GRB10: variants seen among roughly 807,000 people sequenced by gnomAD.
GRB10 encodes the protein growth factor receptor bound protein 10.
Under a neutral mutation model 80.9 loss-of-function variants are expected in GRB10, and 20 were observed. The ratio of observed to expected loss-of-function variants is 0.25; its 90% CI spans 0.17 to 0.36. GRB10 has a LOEUF of 0.36. GRB10 is among the 10% of genes least tolerant of loss of function. The probability of loss-of-function intolerance (pLI) is 1.00; values close to 1 mark genes in which losing one functional copy is unlikely to be tolerated. For missense variants in GRB10, 548 were observed against 747.7 expected (o/e 0.73, Z 3.12); for synonymous variants, 291 against 291.5 (o/e 1.00, Z 0.02).
intron 7 of GRB10, among the ~76,000 whole-genome samples, chr7:50,627,877 G>A (rs997410118): frequency 6.6e-6 from 1 of 152,220 alleles, no homozygotes; most frequent in Non-Finnish European, 1.5e-5. Context: ...GCTGTGTGGA[G>A]CCTGCGTGTG....
At chr7:50,628,211 C>A (rs2053329267) in intron 7 of GRB10, among the ~76,000 whole-genome samples, 1 of 152,218 alleles carries the variant, frequency 6.6e-6, no homozygotes, top group Non-Finnish European at 1.5e-5. Flanking sequence ...CATCTGCCAA[C>A]CTCCAAATAA....
intron 3 of GRB10, among the ~76,000 whole-genome samples, chr7:50,736,230 G>A (rs564718624): frequency 1.0e-3 from 154 of 152,286 alleles, no homozygotes; most frequent in African/African-American, 3.6e-3. Flanking sequence ...AGGTTGCAGT[G>A]AGCCGAGATT....
At chr7:50,633,779 A>G (rs2054449372) in intron 7 of GRB10, among the ~76,000 whole-genome samples, 1 of 152,182 alleles carries the variant, frequency 6.6e-6, no homozygotes, top group South Asian at 2.1e-4. Flanking sequence ...GAAAGCTTCA[A>G]CAATAGAGTA....
intron 7 of GRB10, among the ~76,000 whole-genome samples, chr7:50,664,867 T>C (rs754838582): frequency 5.3e-5 from 8 of 152,234 alleles, no homozygotes; most frequent in Non-Finnish European, 1.2e-4. Context: ...ACCCTGTTGA[T>C]TTTTACCACA....
chr7:50,616,152 C>A, intron 11 of GRB10, 58 bp downstream of exon 11: 3 of 1,608,082 alleles, frequency 1.9e-6, no homozygotes, highest in Non-Finnish European at 2.6e-6. Flanking sequence ...ACTCTGAGGA[C>A]CTGGGGGGAG....
chr7:50,658,297 T>G (rs923734186), intron 7 of GRB10, among the ~76,000 whole-genome samples: 4 of 152,230 alleles, frequency 2.6e-5, no homozygotes, highest in Non-Finnish European at 5.9e-5. Flanking sequence ...TCGCAGTCAT[T>G]TATGGCAGAA....
At position 50,616,263 on chromosome 7, in the gene GRB10, A is replaced by G; in HGVS notation, c.931T>C (p.Tyr311His). The G allele has an allele frequency of 6.2e-7, 1 of 1,614,224 alleles. No individual in the cohort carries two copies. The highest frequency in any genetic ancestry group is 8.5e-7 in the Non-Finnish European group (1 of 1,180,020). ...AGGCCAGATCTCCGCAAACACACAT[A>G]CAGCTTTTTCCATGATTTCTTTCCC... ...ELGKKSWKKL[Y>H]VCLRRSGLYC... The change falls in exon 11 of 19, where the codon TAT becomes CAT. Residue 311 changes from tyrosine to histidine, a missense_variant. Around this residue, in one of 4 missense-constraint regions of GRB10, gnomAD observed 270 missense variants for 433.6 expected, o/e 0.62. Transcript: ENST00000401949.
At chr7:50,732,094 G>A (rs997810668) in intron 4 of GRB10, among the ~76,000 whole-genome samples, 178 bp downstream of exon 4, 1 of 152,334 alleles carries the variant, frequency 6.6e-6, no homozygotes, top group South Asian at 2.1e-4. Context: ...AGACACAGAA[G>A]ACCGAGGCAG....
chr7:50,691,332 C>T (rs562003930), intron 5 of GRB10, among the ~76,000 whole-genome samples: 1 of 152,140 alleles, frequency 6.6e-6, no homozygotes, highest in African/African-American at 2.4e-5. Context: ...GGCCAGAGCC[C>T]ACCAGTCTGG....
At chr7:50,687,806 C>T (rs146889604) in intron 5 of GRB10, among the ~76,000 whole-genome samples, 1 of 152,318 alleles carries the variant, frequency 6.6e-6, no homozygotes, top group African/African-American at 2.4e-5. Flanking sequence ...CTGGGCGCTG[C>T]CCTGGGAAGA....
intron 5 of GRB10, among the ~76,000 whole-genome samples, chr7:50,680,472 T>C (rs935170021): frequency 2.0e-4 from 31 of 152,146 alleles, no homozygotes; most frequent in African/African-American, 7.5e-4. Flanking sequence ...GTTTTTTGGT[T>C]TTTCATTATG....
chr7:50,671,750 C>T (rs1006641732), intron 6 of GRB10, among the ~76,000 whole-genome samples: 9 of 152,260 alleles, frequency 5.9e-5, no homozygotes, highest in African/African-American at 2.4e-5. Context: ...GATAATCTGA[C>T]GTTTTAGTGT....
intron 13 of GRB10, among the ~76,000 whole-genome samples, chr7:50,608,972 A>G (rs868664704): frequency 1.4e-4 from 22 of 151,960 alleles, no homozygotes; most frequent in Non-Finnish European, 2.8e-4. Context: ...CTCAAAAAAA[A>G]AAAAAAAAAA....
At chr7:50,708,653 G>A (rs1466902939) in intron 4 of GRB10, among the ~76,000 whole-genome samples, 1 of 150,100 alleles carries the variant, frequency 6.7e-6, no homozygotes, top group African/African-American at 2.5e-5. Context: ...GGAAGGGAAT[G>A]GGGGAGGCCC....
At chr7:50,644,836 A>G (rs1306618929) in intron 7 of GRB10, among the ~76,000 whole-genome samples, 1 of 152,224 alleles carries the variant, frequency 6.6e-6, no homozygotes, top group Admixed American at 6.5e-5. Flanking sequence ...TGCTAGACAG[A>G]CAGAACAATG....
chr7:50,783,856 C>T (rs1208322996), upstream of GRB10, among the ~76,000 whole-genome samples: 2 of 152,160 alleles, frequency 1.3e-5, no homozygotes, highest in African/African-American at 2.4e-5. Context: ...GAAAAGCTAC[C>T]CTAGTCCAAC....
At chr7:50,774,357 G>A (rs1179542290) in intron 2 of GRB10, among the ~76,000 whole-genome samples, 2 of 152,188 alleles carry the variant, frequency 1.3e-5, no homozygotes, top group South Asian at 2.1e-4. Context: ...CATTTCTGCA[G>A]TTATAACAAA....
intron 7 of GRB10, among the ~76,000 whole-genome samples, chr7:50,648,103 A>T (rs367705838): frequency 2.2e-4 from 34 of 152,194 alleles, no homozygotes; most frequent in African/African-American, 6.7e-4. Flanking sequence ...GACAAGATGG[A>T]AAGCTGAGGG....
rs1219898196 is a variant in GRB10, at chr7:50,593,072, G to A, written c.1665C>T (p.Phe555=). 1 of 1,614,094 alleles carries A rather than the reference G, an allele frequency of 6.2e-7. No homozygotes were observed. The highest frequency in any genetic ancestry group is 8.5e-7 in the Non-Finnish European group (1 of 1,180,054). ...ATTTGGTGTTCCCGTCATCTAGGCT[G>A]AAGAACGTCTGCCCGTCGTCCTCGC... ...LPCEDDGQTF[F]SLDDGNTKFS... Residue 555 remains phenylalanine (F), a synonymous_variant, in exon 19 of 19, where the codon TTC becomes TTT. Transcript: ENST00000401949.
Sources: allele counts gnomAD v4.1 joint callset (sites outside exome capture counted in the v4.1 genomes callset), GRCh38; gene constraint gnomAD v4.1.1; regional missense constraint gnomAD v4.1.1; transcripts MANE v1.5; gene names NCBI Gene and HGNC (gene_info 2026-07-23, HGNC 2026-07-21).